Variants in ASB18 observed in about 807,000 individuals in gnomAD.
ASB18 encodes the protein ankyrin repeat and SOCS box containing 18, also known as ankyrin repeat and SOCS box protein 18.
A neutral mutation model predicts 33.4 loss-of-function variants in ASB18; 33 were observed. The observed-to-expected ratio is 0.99, with a 90% CI of 0.75 to 1.32. The LOEUF is 1.32. ASB18 is among the 40% of genes most tolerant of loss of function. The pLI is 0.00. For synonymous variants in ASB18, 295 were observed against 307.6 expected (o/e 0.96, Z 0.43); for missense variants, 694 against 655.5 (o/e 1.06, Z -0.64).
intron 3 of ASB18, among the ~76,000 whole-genome samples, chr2:236,233,821 T>C (rs1176314533): frequency 6.6e-6 from 1 of 152,232 alleles, no homozygotes; most frequent in Non-Finnish European, 1.5e-5. Context: ...TTTTTATTTT[T>C]ATTTTTCTCC....
chr2:236,214,679 C>T lies in ASB18; in HGVS notation c.784G>A (p.Ala262Thr), dbSNP rs2060477445. 5 of 1,141,878 alleles carry T rather than the reference C, an allele frequency of 4.4e-6. No homozygotes were observed. The highest frequency in any genetic ancestry group is 4.5e-5 in the East Asian group (1 of 21,994). 70.7% of individuals were successfully genotyped at this position (1,141,878 alleles called of 1,614,324 possible). Residue 262 changes from alanine to threonine, a missense_variant, in exon 4 of 6, where the codon GCG (alanine) becomes ACG (threonine). Transcript: ENST00000409749. This position sits in a 1 kb window ranked among gnomAD's most constrained non-coding sequence, Gnocchi z 6.5. ...GETALSAACGAARRPDEHGRC... is the reference protein window; with the variant it reads ...GETALSAACGTARRPDEHGRC... ...CCGTGCTCGTCGGGCCTCCGCGCCG[C>T]ACCGCAGGCCGCGCTCAGAGCCGTC...
At chr2:236,232,434 G>T (rs1408017152) in intron 3 of ASB18, among the ~76,000 whole-genome samples, 1 of 151,772 alleles carries the variant, frequency 6.6e-6, no homozygotes, top group Non-Finnish European at 1.5e-5. Flanking sequence ...TCCACCTTAA[G>T]AAACTAGAAA....
rs914169765 is a variant in ASB18, at chr2:236,216,943, A to C, written c.597-2077T>G. On this transcript the variant is annotated intron_variant, in intron 3 of 5. Transcript: ENST00000409749. This position sits in a 1 kb window ranked among gnomAD's most constrained non-coding sequence, Gnocchi z 6.1. ...GCACACTCTGCCGTGCCATGCCCCC[A>C]TGCCCTCTGCTTGCTCCTTCCAGGT... Among the ~76,000 whole-genome samples, 1 of 151,942 alleles carries C rather than the reference A, an allele frequency of 6.6e-6. No individual in the cohort carries two copies. The highest frequency in any genetic ancestry group is 1.5e-5 in the Non-Finnish European group (1 of 67,988).
In ASB18 at chr2:236,264,005, A is replaced by T. The variant is rs188112683; in HGVS notation, c.205+136T>A. On this transcript the variant is annotated intron_variant, in intron 1 of 5. Coordinates refer to ENST00000409749, the MANE Select transcript of ASB18 (RefSeq NM_212556.4). The surrounding 1 kb of genome is among the most constrained non-coding windows in gnomAD (Gnocchi z 5.1). ...CTATGCAGTACACATATATGCATGT[A>T]TGTATGAGAGTCAGATATCCGAGTA... The T allele has an allele frequency of 6.8e-5, 48 of 709,440 alleles. No individual in the cohort carries two copies. 43.9% of individuals were successfully genotyped at this position (709,440 alleles called of 1,614,324 possible).
At position 236,239,030 on chromosome 2, in the gene ASB18, G is replaced by C. The variant is rs982912086; in HGVS notation, c.329-1074C>G. Among the ~76,000 whole-genome samples the C allele has an allele frequency of 1.3e-5, 2 of 152,146 alleles. No homozygotes were observed. Among genetic ancestry groups the C allele is most frequent in the African/African-American group, 4.8e-5 (2 of 41,420 alleles). On this transcript the variant is annotated intron_variant, in intron 2 of 5. Transcript: ENST00000409749. The surrounding 1 kb of genome is among the most constrained non-coding windows in gnomAD (Gnocchi z 5.6). ...ACTCAGTGGGGGAAGGGGGGCCTGT[G>C]GGACTGGCATGGAATGGTGGTGGCC...
chr2:236,254,061 T>C (rs1194435293), intron 1 of ASB18: 3 of 152,198 alleles, frequency 2.0e-5, no homozygotes, highest in Admixed American at 6.5e-5. Flanking sequence ...GTAAATATTT[T>C]ACATTTTGCA....
chr2:236,218,328 TTGAC>T (rs200517899), intron 3 of ASB18, among the ~76,000 whole-genome samples: 1,534 of 152,064 alleles, frequency 0.01, 28 homozygotes, highest in African/African-American at 0.035. Context: ...AAACAACAAA[TTGAC>T]TGGGGCACGT....
rs145233790 is a variant in ASB18, at chr2:236,263,267, G to C, written c.205+874C>G. 1.5e-3 allele frequency among the ~76,000 whole-genome samples: 224 copies of C among 152,330 alleles called. 1 individual carries two copies. The highest frequency in any genetic ancestry group is 0.014 in the Middle Eastern group (4 of 294). On this transcript the variant is annotated intron_variant, in intron 1 of 5. Transcript: ENST00000409749. This position sits in a 1 kb window ranked among gnomAD's most constrained non-coding sequence, Gnocchi z 4.0. ...CAAAATGATAAAAATGATTCCAAGA[G>C]ATGGAGAGTTCCTGCCCAAGACCCA... is the stretch of plus-strand genomic sequence containing the variant.
Position 236,245,358 on chromosome 2 carries a change from G to T in ASB18, c.206-3956C>A, listed in dbSNP as rs2060639913. Among the ~76,000 whole-genome samples, 1 of 152,186 alleles carries T rather than the reference G, an allele frequency of 6.6e-6. No homozygotes were observed. The highest frequency in any genetic ancestry group is 6.5e-5 in the Admixed American group (1 of 15,288). On this transcript the variant is annotated intron_variant, in intron 1 of 5. Transcript: ENST00000409749. This position sits in a 1 kb window ranked among gnomAD's most constrained non-coding sequence, Gnocchi z 4.7. Reference sequence around the variant, plus strand: ...GCAGGTGAGGAAACTGGGACTCACAGATTCAGTTACCTTTCTCAAGATTTC... The same window carrying T: ...GCAGGTGAGGAAACTGGGACTCACATATTCAGTTACCTTTCTCAAGATTTC...
In ASB18 at chr2:236,205,947, T is replaced by C. The variant is rs1394589122; in HGVS notation, c.1101+8415A>G. Among the ~76,000 whole-genome samples, 2 of 152,212 alleles carry C rather than the reference T, an allele frequency of 1.3e-5. No individual in the cohort carries two copies. Among genetic ancestry groups the C allele is most frequent in the Non-Finnish European group, 2.9e-5 (2 of 68,032 alleles). ...ATACTTTGCCAGATTTTTCCATGTC[T>C]TTTTAGAACATTTTTGTTAGAATGT... is the stretch of plus-strand genomic sequence containing the variant. On this transcript the variant is annotated intron_variant, in intron 4 of 5. Coordinates refer to ENST00000409749, the MANE Select transcript of ASB18 (RefSeq NM_212556.4). This position sits in a 1 kb window ranked among gnomAD's most constrained non-coding sequence, Gnocchi z 5.4.
At position 236,259,384 on chromosome 2, in the gene ASB18, G is replaced by A. The variant is rs150347056; in HGVS notation, c.205+4757C>T. 5.5e-5 allele frequency: 22 copies of A among 399,414 alleles called. No individual in the cohort carries two copies. The highest frequency in any genetic ancestry group is 3.6e-4 in the Middle Eastern group (1 of 2,784). The allele number at this position is 399,414 out of a possible 1,614,324, so 24.7% of individuals were successfully genotyped here. A position where few individuals can be genotyped will look rare whatever the true frequency, so the allele number is the denominator to read the frequency against. On this transcript the variant is annotated intron_variant, in intron 1 of 5. Coordinates refer to ENST00000409749, the MANE Select transcript of ASB18 (RefSeq NM_212556.4). The surrounding 1 kb of genome is among the most constrained non-coding windows in gnomAD (Gnocchi z 4.4). ...TGGATATAATCGAGTGTTAGGCGAG[G>A]TTCTGGCCCTAGAAGAGGTGGCATT...
rs2060541761 is a variant in ASB18, at chr2:236,226,732, C to T, written c.596+10957G>A. ...GTTTATTTTGTGCTATGATTGGGTGCTGCATTCTGATTTCTTAGTAAGAAG... is the reference window on the plus strand; with the variant it reads ...GTTTATTTTGTGCTATGATTGGGTGTTGCATTCTGATTTCTTAGTAAGAAG... On this transcript the variant is annotated intron_variant, in intron 3 of 5. Coordinates refer to ENST00000409749, the MANE Select transcript of ASB18 (RefSeq NM_212556.4). This position sits in a 1 kb window ranked among gnomAD's most constrained non-coding sequence, Gnocchi z 4.8. 6.6e-6 allele frequency among the ~76,000 whole-genome samples: 1 copy of T among 152,160 alleles called. No homozygotes were observed. The highest frequency in any genetic ancestry group is 1.5e-5 in the Non-Finnish European group (1 of 68,026).
Position 236,200,470 on chromosome 2 carries a change from C to T in ASB18, c.1102-4085G>A, listed in dbSNP as rs770349380. Among the ~76,000 whole-genome samples the T allele has an allele frequency of 1.3e-5, 2 of 152,168 alleles. No homozygotes were observed. Among genetic ancestry groups the T allele is most frequent in the African/African-American group, 2.4e-5 (1 of 41,434 alleles). ...AAGGGTCAGGGCAGCAATGTGGGGT[C>T]GTGGCAGAGGTATTACCACCCTGGG... is the stretch of plus-strand genomic sequence containing the variant. On this transcript the variant is annotated intron_variant, in intron 4 of 5. Transcript: ENST00000409749. The surrounding 1 kb of genome is among the most constrained non-coding windows in gnomAD (Gnocchi z 4.2).
At chr2:236,236,908 G>C (rs1019817688) in intron 3 of ASB18, among the ~76,000 whole-genome samples, 2 of 152,188 alleles carry the variant, frequency 1.3e-5, no homozygotes, top group Non-Finnish European at 2.9e-5. Flanking sequence ...TAACAGAAAA[G>C]TCAGGATGAC....
intron 3 of ASB18, among the ~76,000 whole-genome samples, chr2:236,233,113 C>T (rs186156071): frequency 1.6e-3 from 238 of 151,912 alleles, no homozygotes; most frequent in Admixed American, 5.1e-3. Flanking sequence ...GTGGTTTATC[C>T]CAGGAATGCA....
Position 236,253,279 on chromosome 2 carries a change from C to T in ASB18, c.205+10862G>A, listed in dbSNP as rs896169436. On this transcript the variant is annotated intron_variant, in intron 1 of 5. Coordinates refer to ENST00000409749, the MANE Select transcript of ASB18 (RefSeq NM_212556.4). The surrounding 1 kb of genome is among the most constrained non-coding windows in gnomAD (Gnocchi z 5.4). ...GGTGTTGTGGAGATGTGGCTTGGAC[C>T]AGAGTTTCTCAAGCACCCGAGGTGA... Among the ~76,000 whole-genome samples, 1 of 152,156 alleles carries T rather than the reference C, an allele frequency of 6.6e-6. No individual in the cohort carries two copies. The highest frequency in any genetic ancestry group is 1.5e-5 in the Non-Finnish European group (1 of 68,026).
At position 236,196,638 on chromosome 2, in the gene ASB18, T is replaced by C. The variant is rs1488504026; in HGVS notation, c.1102-253A>G. 6.6e-6 allele frequency among the ~76,000 whole-genome samples: 1 copy of C among 152,196 alleles called. No individual in the cohort carries two copies. Among genetic ancestry groups the C allele is most frequent in the African/African-American group, 2.4e-5 (1 of 41,448 alleles). On this transcript the variant is annotated intron_variant, in intron 4 of 5. Transcript: ENST00000409749. The surrounding 1 kb of genome is among the most constrained non-coding windows in gnomAD (Gnocchi z 5.6). ...CATCATGATGGCCGCCCAGCCAAAG[T>C]CTGGGCCAAGTGCTTAAGCATTCAG...
At chr2:236,242,949 A>G (rs1698913814) in intron 1 of ASB18, among the ~76,000 whole-genome samples, 1 of 134,920 alleles carries the variant, frequency 7.4e-6, no homozygotes, top group South Asian at 2.5e-4. Flanking sequence ...AGAGCTTGGG[A>G]GGTCAAGACT....
chr2:236,196,944 A>T lies in ASB18; in HGVS notation c.1102-559T>A, dbSNP rs2060376988. ...ATTCACAAATTTATAATTCAAGTCC[A>T]TTAGCTTCACCATAAAGATGGGAAC... On this transcript the variant is annotated intron_variant, in intron 4 of 5. Transcript: ENST00000409749. This position sits in a 1 kb window ranked among gnomAD's most constrained non-coding sequence, Gnocchi z 5.6. Among the ~76,000 whole-genome samples, 1 of 152,222 alleles carries T rather than the reference A, an allele frequency of 6.6e-6. No homozygotes were observed. The highest frequency in any genetic ancestry group is 2.4e-5 in the African/African-American group (1 of 41,460).
Sources: gnomAD v4.1 joint callset for allele counts (sites outside exome capture counted in the v4.1 genomes callset) on GRCh38, gnomAD v4.1.1 for gene constraint, Gnocchi (gnomAD v3.1) non-coding constraint, MANE v1.5 for transcripts, NCBI Gene and HGNC (gene_info 2026-07-23, HGNC 2026-07-21) for gene names.